Variants in SEC14L1 observed in about 807,000 individuals in gnomAD.
SEC14L1 encodes the protein SEC14 like lipid binding 1, also known as SEC14-like protein 1.
SEC14L1 carries 48 observed loss-of-function variants against 85.3 expected under a neutral mutation model. The observed-to-expected ratio is 0.56, with a 90% CI of 0.45 to 0.72. The LOEUF (loss-of-function observed/expected upper bound fraction) is 0.72. Among genes scored for constraint, SEC14L1 ranks in the 30% least tolerant of loss-of-function variants. The pLI, the probability that SEC14L1 is intolerant of heterozygous loss-of-function variation, is 0.00. For missense variants in SEC14L1, 682 were observed against 921.4 expected (o/e 0.74, Z 3.36); for synonymous variants, 391 against 355.5 (o/e 1.10, Z -1.12).
chr17:77,120,769 G>A (rs1334007735), intron 3 of SEC14L1, among the ~76,000 whole-genome samples: 4 of 152,130 alleles, frequency 2.6e-5, no homozygotes, highest in African/African-American at 9.7e-5. Flanking sequence ...GAGCCACTGC[G>A]ACCGGCCCCT....
At chr17:77,193,582 T>C (rs1326739084) in intron 6 of SEC14L1, 33 bp downstream of exon 6, 1 of 1,590,610 alleles carries the variant, frequency 6.3e-7, no homozygotes, top group Non-Finnish European at 8.6e-7. Flanking sequence ...TGGCAGAGGG[T>C]GGGCAGGAGT....
chr17:77,191,422 C>A, intron 5 of SEC14L1, 110 bp downstream of exon 5: 1 of 1,176,430 alleles, frequency 8.5e-7, no homozygotes, highest in Non-Finnish European at 1.2e-6. Flanking sequence ...GGCAGTTCTT[C>A]ATTAGATGTT....
At chr17:77,093,684 A>C (rs1971571532) in intron 3 of SEC14L1, 1 of 152,276 alleles carries the variant, frequency 6.6e-6, no homozygotes, top group African/African-American at 2.4e-5. Flanking sequence ...GACCTCGGGC[A>C]GGTCCCTCCC....
chr17:77,211,519 C>G, intron 14 of SEC14L1: 1 of 175,746 alleles, frequency 5.7e-6, no homozygotes, highest in Non-Finnish European at 1.2e-5. Flanking sequence ...GCCCCTGCTT[C>G]CCCCTTGCTG....
At chr17:77,176,325 G>A (rs973477582) in intron 3 of SEC14L1, among the ~76,000 whole-genome samples, 6 of 151,948 alleles carry the variant, frequency 3.9e-5, no homozygotes, top group African/African-American at 1.5e-4. Context: ...GGAAAGGATA[G>A]GTATATGTAA....
At chr17:77,098,170 A>G (rs972308943) in intron 3 of SEC14L1, among the ~76,000 whole-genome samples, 9 of 151,944 alleles carry the variant, frequency 5.9e-5, no homozygotes, top group Non-Finnish European at 7.4e-5. Context: ...TTTAGGAACC[A>G]TTTTTCCCTC....
intron 3 of SEC14L1, among the ~76,000 whole-genome samples, chr17:77,172,188 A>G (rs970945306): frequency 1.3e-5 from 2 of 152,098 alleles, no homozygotes; most frequent in African/African-American, 4.8e-5. Context: ...AAAAGGTGAT[A>G]AGCTCAGGTT....
chr17:77,110,103 G>A (rs904594556), intron 3 of SEC14L1, among the ~76,000 whole-genome samples: 1 of 152,132 alleles, frequency 6.6e-6, no homozygotes, highest in Non-Finnish European at 1.5e-5. Flanking sequence ...TTGTTTACCC[G>A]GTTTTCATTG....
chr17:77,135,966 G>A (rs1179637916), intron 3 of SEC14L1, among the ~76,000 whole-genome samples: 10 of 151,862 alleles, frequency 6.6e-5, no homozygotes, highest in East Asian at 3.9e-4. Flanking sequence ...TCCATCTCCC[G>A]GGTTCATGCC....
intron 3 of SEC14L1, among the ~76,000 whole-genome samples, chr17:77,155,968 C>A (rs960237685): frequency 6.6e-6 from 1 of 152,202 alleles, no homozygotes; most frequent in Non-Finnish European, 1.5e-5. Context: ...CCTGCAGCCT[C>A]CTCTCCATGG....
Position 77,200,498 on chromosome 17 carries a change from G to A in SEC14L1, c.834G>A (p.Glu278=), listed in dbSNP as rs2143107950. Residue 278 remains glutamate (E), a synonymous_variant, in exon 9 of 17, where the codon GAG becomes GAA. Transcript: ENST00000436233. ...TCTCTTAATAGATTCCAAAAGATGA[G>A]CATATTCTTCGGTTCCTCCGTGCAC... The part of the protein sequence containing the change: ...ETHKGKIPKD[E]HILRFLRARD... 5 of 1,613,064 alleles carry A rather than the reference G, an allele frequency of 3.1e-6. No individual in the cohort carries two copies. The highest frequency in any genetic ancestry group is 1.7e-4 in the Middle Eastern group (1 of 6,050).
At chr17:77,092,603 AC>A (rs1971543108) in intron 2 of SEC14L1, among the ~76,000 whole-genome samples, 1 of 152,052 alleles carries the variant, frequency 6.6e-6, no homozygotes, top group Non-Finnish European at 1.5e-5. Context: ...GGCTTTTTTA[AC>A]AAGCAGGTTT....
chr17:77,215,431 A>C lies in SEC14L1; in HGVS notation c.*1408A>C. The C allele has an allele frequency of 1.0e-6, 1 of 985,440 alleles. No homozygotes were observed. The highest frequency in any genetic ancestry group is 1.2e-6 in the Non-Finnish European group (1 of 829,992). 61.0% of individuals were successfully genotyped at this position (985,440 alleles called of 1,614,324 possible). On this transcript the variant is annotated 3_prime_UTR_variant, in exon 17 of 17. Coordinates refer to ENST00000436233, the MANE Select transcript of SEC14L1 (RefSeq NM_001143998.2). ...TCAACTGTGTGCGTGGTAGGCATGG[A>C]GATCCTGGTTGTGCCGTCTCAGCTC...
intron 3 of SEC14L1, among the ~76,000 whole-genome samples, chr17:77,101,583 G>A (rs1473119719): frequency 6.6e-6 from 1 of 152,196 alleles, no homozygotes; most frequent in Non-Finnish European, 1.5e-5. Flanking sequence ...TGAATTTGTT[G>A]TCTAGTTGAG....
intron 8 of SEC14L1, among the ~76,000 whole-genome samples, chr17:77,197,489 G>A (rs1324901036): frequency 1.3e-5 from 2 of 151,952 alleles, no homozygotes; most frequent in Non-Finnish European, 2.9e-5. Flanking sequence ...ATTATCTTAA[G>A]TCTTATGATC....
Position 77,186,230 on chromosome 17 carries a change from A to G in SEC14L1, c.64-4573A>G, listed in dbSNP as rs569501353. Among the ~76,000 whole-genome samples, 34 of 152,260 alleles carry G rather than the reference A, an allele frequency of 2.2e-4. No individual in the cohort carries two copies. The South Asian group carries it at 3.5e-3, about 16-fold the overall frequency. ...GGTCTATGCCACATCGTCATGCACC[A>G]CAGTGACCCCTGGCCTCACCTCTCA... On this transcript the variant is annotated intron_variant, in intron 3 of 16. Transcript: ENST00000436233.
At chr17:77,200,363 T>C in intron 8 of SEC14L1, 121 bp from the exon 9 acceptor site, 1 of 698,554 alleles carries the variant, frequency 1.4e-6, no homozygotes, top group Non-Finnish European at 2.4e-6. Flanking sequence ...GAGATGGCAT[T>C]TCACCATATT....
At chr17:77,195,312 T>TTTTTG (rs1555626900) in intron 7 of SEC14L1, among the ~76,000 whole-genome samples, 17 of 151,224 alleles carry the variant, frequency 1.1e-4, no homozygotes, top group African/African-American at 3.9e-4. Context: ...AGGTGTTTTT[T>TTTTTG]TTTGTTTGTT....
rs758094473 is a variant in SEC14L1 at position 77,205,303 on chromosome 17, A to G, written c.1126A>G (p.Arg376Gly). 1 of 1,614,188 alleles carries G rather than the reference A, an allele frequency of 6.2e-7. No individual in the cohort carries two copies. Among genetic ancestry groups the G allele is most frequent in the Admixed American group, 1.7e-5 (1 of 60,022 alleles). ...TCTCTCCATAAATGAAGAAGGGCTAAGGCGATGCGAAGAGAATACAAAAGT... is the reference window on the plus strand; with the variant it reads ...TCTCTCCATAAATGAAGAAGGGCTAGGGCGATGCGAAGAGAATACAAAAGT... ...YVLSINEEGLRRCEENTKVFG... is the reference protein window; with the variant it reads ...YVLSINEEGLGRCEENTKVFG... Residue 376 changes from arginine to glycine, a missense_variant, in exon 11 of 17, where the codon AGG (arginine) becomes GGG (glycine). Physicochemically the swap from Arg to Gly is moderately radical, Grantham distance 125. Coordinates refer to ENST00000436233, the MANE Select transcript of SEC14L1 (RefSeq NM_001143998.2).
Sources: gnomAD v4.1 joint callset for allele counts (sites outside exome capture counted in the v4.1 genomes callset) on GRCh38, gnomAD v4.1.1 for gene constraint, MANE v1.5 for transcripts, NCBI Gene and HGNC (gene_info 2026-07-23, HGNC 2026-07-21) for gene names.